The following PDZRN4 variants were observed in gnomAD, a reference collection of about 807,000 sequenced individuals.
The protein encoded by PDZRN4 is PDZ domain-containing RING finger protein 4.
A neutral mutation model predicts 99.0 loss-of-function variants in PDZRN4; 70 were observed. That is an observed-to-expected ratio of 0.71 (90% CI 0.58 to 0.86). The LOEUF (loss-of-function observed/expected upper bound fraction) is 0.86, where lower values mean the gene tolerates loss of function less well. Ranked by LOEUF, PDZRN4 falls within the 40% of genes least tolerant of loss-of-function variation. PDZRN4 has a pLI of 0.00. For synonymous variants in PDZRN4, 551 were observed against 501.6 expected (o/e 1.10, Z -1.32); for missense variants, 1,474 against 1,331.2 (o/e 1.11, Z -1.67).
chr12:41,491,215 G>A (rs17129393), intron 3 of PDZRN4, among the ~76,000 whole-genome samples: 3,626 of 151,990 alleles, frequency 0.024, 74 homozygotes, highest in Non-Finnish European at 0.037. Flanking sequence ...GTGAAAATTG[G>A]GACAAATAAG....
intron 3 of PDZRN4, among the ~76,000 whole-genome samples, chr12:41,464,829 T>A (rs1188217319): frequency 6.7e-6 from 1 of 148,776 alleles, no homozygotes; most frequent in African/African-American, 2.5e-5. Flanking sequence ...ACTTTTTTTT[T>A]TTTTTTTTTT....
At chr12:41,200,950 A>T (rs1032344911) in intron 3 of PDZRN4, among the ~76,000 whole-genome samples, 2 of 151,984 alleles carry the variant, frequency 1.3e-5, no homozygotes, top group Non-Finnish European at 2.9e-5. Context: ...TATCATTTTC[A>T]CCTGGGCCTG....
intron 3 of PDZRN4, among the ~76,000 whole-genome samples, chr12:41,436,429 C>T (rs919676674): frequency 9.9e-5 from 15 of 152,242 alleles, no homozygotes; most frequent in African/African-American, 3.6e-4. Context: ...TGACAAAGCA[C>T]TTTTAGGAAA....
At chr12:41,528,027 C>T (rs150884742) in intron 5 of PDZRN4, among the ~76,000 whole-genome samples, 3 of 152,246 alleles carry the variant, frequency 2.0e-5, no homozygotes, top group African/African-American at 4.8e-5. Flanking sequence ...TTAAAAGAGA[C>T]GGCATGAACT....
chr12:41,244,073 A>G (rs1291514654), intron 3 of PDZRN4, among the ~76,000 whole-genome samples: 1 of 152,086 alleles, frequency 6.6e-6, no homozygotes, highest in African/African-American at 2.4e-5. Flanking sequence ...TTCTTTCCCA[A>G]CATTTTCAAC....
chr12:41,474,767 GA>G (rs554839996), intron 3 of PDZRN4, among the ~76,000 whole-genome samples: 33 of 152,110 alleles, frequency 2.2e-4, no homozygotes, highest in Non-Finnish European at 4.4e-4. Flanking sequence ...TGAGGACACA[GA>G]AAAAAACTGT....
At chr12:41,555,870 C>G (rs537063128) in intron 7 of PDZRN4, 110 bp downstream of exon 7, 1 of 873,088 alleles carries the variant, frequency 1.1e-6, no homozygotes, top group Non-Finnish European at 1.8e-6. Flanking sequence ...CTTTTGGATA[C>G]TAACATCTAC....
chr12:41,206,172 A>T lies in PDZRN4; in HGVS notation c.843+11984A>T, dbSNP rs150599337. 1.3e-3 allele frequency among the ~76,000 whole-genome samples: 195 copies of T among 152,102 alleles called. 1 individual carries two copies. Among genetic ancestry groups the T allele is most frequent in the African/African-American group, 4.5e-3 (185 of 41,544 alleles). The stretch of plus-strand genomic sequence containing the variant: ...TCTTGTTTTGTGGACGTATGCATGT[A>T]TTTATGATACACACACACAAACACA... On this transcript the variant is annotated intron_variant, in intron 3 of 9. Coordinates refer to ENST00000402685, the MANE Select transcript of PDZRN4 (RefSeq NM_001164595.2).
intron 3 of PDZRN4, among the ~76,000 whole-genome samples, chr12:41,480,974 T>G (rs370941816): frequency 1.2e-4 from 13 of 109,478 alleles, no homozygotes; most frequent in African/African-American, 1.7e-4. Flanking sequence ...AATTACAGGG[T>G]TTTTTTTTTT....
intron 3 of PDZRN4, among the ~76,000 whole-genome samples, chr12:41,481,191 C>G (rs1937667734): frequency 6.6e-6 from 1 of 151,992 alleles, no homozygotes; most frequent in Non-Finnish European, 1.5e-5. Flanking sequence ...TTGTACCAAC[C>G]TATCAGTGAT....
intron 3 of PDZRN4, among the ~76,000 whole-genome samples, chr12:41,314,602 C>A (rs139765739): frequency 2.0e-5 from 3 of 152,178 alleles, no homozygotes; most frequent in African/African-American, 4.8e-5. Flanking sequence ...AGGAAGAGGG[C>A]AATTTCATGC....
At chr12:41,333,380 T>C (rs1336535403) in intron 3 of PDZRN4, among the ~76,000 whole-genome samples, 4 of 152,066 alleles carry the variant, frequency 2.6e-5, no homozygotes, top group African/African-American at 9.7e-5. Context: ...CTGGGTAAAG[T>C]CCTATCTGTT....
intron 3 of PDZRN4, among the ~76,000 whole-genome samples, chr12:41,200,613 C>T (rs75058768): frequency 0.014 from 2,075 of 152,188 alleles, 47 homozygotes; most frequent in African/African-American, 0.047. Context: ...CAGTGTGGTT[C>T]CCATTCTCCT....
At chr12:41,218,591 A>G (rs990016779) in intron 3 of PDZRN4, among the ~76,000 whole-genome samples, 2 of 152,214 alleles carry the variant, frequency 1.3e-5, no homozygotes, top group East Asian at 3.9e-4. Flanking sequence ...TCTAATAACA[A>G]TTGTTGGGCG....
chr12:41,422,796 T>C (rs1354170383), intron 3 of PDZRN4, among the ~76,000 whole-genome samples: 2 of 152,140 alleles, frequency 1.3e-5, no homozygotes, highest in Admixed American at 6.6e-5. Flanking sequence ...TCAAAAACCA[T>C]TACTAATGTC....
At chr12:41,400,688 G>T (rs4768352) in intron 3 of PDZRN4, among the ~76,000 whole-genome samples, 81,406 of 151,940 alleles carry the variant, frequency 0.54, 23,395 homozygotes, top group African/African-American at 0.77. Context: ...CATCATTCAG[G>T]TCTTTCTTAC....
At position 41,574,207 on chromosome 12, in the gene PDZRN4, A is replaced by T. The variant is rs1009861274; in HGVS notation, c.*317A>T. The T allele has an allele frequency of 5.3e-6, 1 of 188,018 alleles. No individual in the cohort carries two copies. Among genetic ancestry groups the T allele is most frequent in the Non-Finnish European group, 1.1e-5 (1 of 92,436 alleles). The allele number at this position is 188,018 out of a possible 1,614,324, so 11.6% of individuals were successfully genotyped here. On this transcript the variant is annotated 3_prime_UTR_variant, in exon 10 of 10. Transcript: ENST00000402685. The stretch of plus-strand genomic sequence containing the variant: ...GCCAATTAATTTCCTACTTCAATGT[A>T]TCTAATGTAAGTGAAAATCTGGATT...
chr12:41,403,020 T>G (rs1027333127), intron 3 of PDZRN4, among the ~76,000 whole-genome samples: 1 of 152,110 alleles, frequency 6.6e-6, no homozygotes, highest in Non-Finnish European at 1.5e-5. Flanking sequence ...AGATTTGTAA[T>G]TGTTCCTGTT....
intron 3 of PDZRN4, among the ~76,000 whole-genome samples, chr12:41,372,876 T>G (rs1277513775): frequency 2.0e-5 from 3 of 152,104 alleles, no homozygotes; most frequent in Non-Finnish European, 2.9e-5. Flanking sequence ...TTAAAAAGCT[T>G]TTACCCACCA....
Sources: gnomAD v4.1 joint callset for allele counts (sites outside exome capture counted in the v4.1 genomes callset) on GRCh38, gnomAD v4.1.1 for gene constraint, MANE v1.5 for transcripts, NCBI Gene and HGNC (gene_info 2026-07-23, HGNC 2026-07-21) for gene names.